Variants in IL19 observed in about 807,000 individuals in gnomAD.
IL19 encodes interleukin-19.
IL19 carries 15 observed loss-of-function variants against 19.5 expected under a neutral mutation model. The ratio of observed to expected loss-of-function variants is 0.77; its 90% CI spans 0.52 to 1.19. IL19 has a LOEUF of 1.19. IL19 is among the 50% of genes most tolerant of loss of function. The pLI is 0.00. For synonymous variants in IL19, 78 were observed against 78.3 expected, an observed-to-expected ratio of 1.00 and a Z score of 0.02; for missense variants, 199 against 213.1, an observed-to-expected ratio of 0.93 and a Z score of 0.41.
intron 1 of IL19, among the ~76,000 whole-genome samples, chr1:206,796,545 G>C (rs1027846649): frequency 2.0e-5 from 3 of 152,106 alleles, no homozygotes; most frequent in African/African-American, 7.2e-5. Context: ...CATATATGAT[G>C]GTGGTCTCAT....
chr1:206,798,284 C>T (rs763939842), intron 1 of IL19, among the ~76,000 whole-genome samples: 3 of 152,174 alleles, frequency 2.0e-5, no homozygotes, highest in East Asian at 1.9e-4. Context: ...GTCTTGACCT[C>T]GCTAGCCTGC....
At chr1:206,806,385 T>C (rs1675845397) in intron 2 of IL19, among the ~76,000 whole-genome samples, 1 of 152,312 alleles carries the variant, frequency 6.6e-6, no homozygotes, top group East Asian at 1.9e-4. Context: ...TATATTCAGG[T>C]AGAACTTTTA....
Position 206,784,810 on chromosome 1 carries a change from A to G in IL19, c.-149+13732A>G, listed in dbSNP as rs193006259. ...AGAAAGAACTTTGCGTTCTCAAGCA[A>G]TTATCTGCACCACGCAGTAAAATGT... On this transcript the variant is annotated intron_variant, in intron 1 of 6. Transcript: ENST00000659997. 1.1e-3 allele frequency among the ~76,000 whole-genome samples: 166 copies of G among 152,372 alleles called. 2 individuals carry two copies. Among genetic ancestry groups the G allele is most frequent in the Non-Finnish European group, 9.8e-4 (67 of 68,040 alleles).
At chr1:206,837,044 T>C (rs375394589) in intron 4 of IL19, 21 bp downstream of exon 4, 129 of 1,583,658 alleles carry the variant, frequency 8.1e-5, no homozygotes, top group Non-Finnish European at 1.1e-4. Context: ...GTGTCTGCTT[T>C]TTCCAGTATT....
rs538880718 is a variant in IL19, at chr1:206,837,282, G to A, written c.210+259G>A. 9.9e-5 allele frequency among the ~76,000 whole-genome samples: 15 copies of A among 152,220 alleles called. No individual in the cohort carries two copies. The South Asian group carries it at 1.9e-3, about 19-fold the overall frequency. ...GGTGCTCAGAGGGGACAGGATTTCT[G>A]TGGCTTGGGGGTAATTTTGGAAGGT... On this transcript the variant is annotated intron_variant, in intron 4 of 6. Transcript: ENST00000659997.
intron 4 of IL19, among the ~76,000 whole-genome samples, chr1:206,839,144 T>C (rs1284970025): frequency 6.6e-6 from 1 of 152,248 alleles, no homozygotes; most frequent in East Asian, 1.9e-4. Flanking sequence ...TTCACTGGGC[T>C]GTGCCTGGGA....
At chr1:206,840,036 C>G in intron 5 of IL19, 34 bp downstream of exon 5, 3 of 1,613,298 alleles carry the variant, frequency 1.9e-6, no homozygotes, top group Non-Finnish European at 2.5e-6. Context: ...AGCATCTGCT[C>G]CCTGTCTGCC....
At position 206,828,795 on chromosome 1, in the gene IL19, T is replaced by C. The variant is rs534307230; in HGVS notation, c.-2-7866T>C. Reference sequence around the variant, plus strand: ...TGTAATTTCTCTTTCTAAATAAACGTTTACTTTTGTCTCTAATTTTGTATT... The same window carrying C: ...TGTAATTTCTCTTTCTAAATAAACGCTTACTTTTGTCTCTAATTTTGTATT... On this transcript the variant is annotated intron_variant, in intron 2 of 6. Coordinates refer to ENST00000659997, the MANE Select transcript of IL19 (RefSeq NM_153758.5). 44 of 152,262 alleles carry C rather than the reference T, an allele frequency of 2.9e-4. 3 individuals carry two copies. The highest frequency in any genetic ancestry group is 1.0e-3 in the African/African-American group (42 of 41,550). 9.4% of individuals were successfully genotyped at this position (152,262 alleles called of 1,614,324 possible).
chr1:206,840,833 T>A (rs1418655352), intron 5 of IL19, among the ~76,000 whole-genome samples, 171 bp from the exon 6 acceptor site: 1 of 152,200 alleles, frequency 6.6e-6, no homozygotes, highest in African/African-American at 2.4e-5. Context: ...CAGATGCAGG[T>A]GACTCTACAG....
At chr1:206,775,012 T>G (rs535115650) in intron 1 of IL19, among the ~76,000 whole-genome samples, 1 of 151,902 alleles carries the variant, frequency 6.6e-6, no homozygotes, top group Non-Finnish European at 1.5e-5. Flanking sequence ...TCATCTATAA[T>G]CTGTTAAATA....
At chr1:206,840,636 C>T in intron 5 of IL19, 1 of 210,388 alleles carries the variant, frequency 4.8e-6, no homozygotes, top group Non-Finnish European at 9.7e-6. Flanking sequence ...TTCACCTAAC[C>T]AGTTGTTTAA....
At position 206,798,935 on chromosome 1, in the gene IL19, C is replaced by T. The variant is rs1419409316; in HGVS notation, c.-74C>T. On this transcript the variant is annotated 5_prime_UTR_variant, in exon 2 of 7. Transcript: ENST00000659997. ...GCGTTTCCGCACAGATCTGCGTGTT[C>T]CTTACCACTCACACATGTGCACACA... 6.8e-6 allele frequency: 11 copies of T among 1,613,820 alleles called. No homozygotes were observed. The highest frequency in any genetic ancestry group is 4.4e-5 in the South Asian group (4 of 91,054).
At chr1:206,798,395 A>C (rs78618975) in intron 1 of IL19, among the ~76,000 whole-genome samples, 9,606 of 152,260 alleles carry the variant, frequency 0.063, 364 homozygotes, top group Middle Eastern at 0.082. Context: ...CAATTTGTAT[A>C]GAAATGACAA....
chr1:206,788,255 CAT>C (rs1675311792), intron 1 of IL19, among the ~76,000 whole-genome samples: 1 of 152,220 alleles, frequency 6.6e-6, no homozygotes, highest in South Asian at 2.1e-4. Context: ...TAGACTAAGA[CAT>C]GTCCTGACCC....
intron 1 of IL19, among the ~76,000 whole-genome samples, chr1:206,786,427 T>C (rs572667346): frequency 6.6e-6 from 1 of 152,062 alleles, no homozygotes; most frequent in East Asian, 1.9e-4. Context: ...GGAGGGAGAG[T>C]TAGTGTCCCC....
intron 1 of IL19, among the ~76,000 whole-genome samples, chr1:206,782,899 T>A (rs1268704325): frequency 6.6e-6 from 1 of 152,226 alleles, no homozygotes; most frequent in African/African-American, 2.4e-5. Flanking sequence ...TTAAAAACCC[T>A]GCTTAGTCTT....
rs1049492794 is a variant in IL19, at chr1:206,836,771, A to G, written c.109A>G (p.Ile37Val). Residue 37 changes from isoleucine (I) to valine (V), a missense_variant, in exon 3 of 7, where the codon ATA (isoleucine) becomes GTA (valine). Coordinates refer to ENST00000659997, the MANE Select transcript of IL19 (RefSeq NM_153758.5). ...RCLISTDMHH[I>V]EESFQEIKRA... ...TCTGATTTCCACAGACATGCACCAT[A>G]TAGAAGAGAGTTTCCAAGAAATCAA... 3.7e-6 allele frequency: 6 copies of G among 1,614,014 alleles called. No individual in the cohort carries two copies. The African/African-American group carries it at 5.3e-5, about 14-fold the overall frequency.
chr1:206,803,587 C>T (rs1675772262), intron 2 of IL19, among the ~76,000 whole-genome samples: 1 of 152,148 alleles, frequency 6.6e-6, no homozygotes, highest in Non-Finnish European at 1.5e-5. Context: ...CTCAGGTGAT[C>T]CTACAGAGCA....
At chr1:206,832,719 T>C (rs572360429) in intron 2 of IL19, among the ~76,000 whole-genome samples, 44 of 152,298 alleles carry the variant, frequency 2.9e-4, no homozygotes, top group Middle Eastern at 6.8e-3. Flanking sequence ...TGTGGCATGC[T>C]ACCAAGAAGA....
Sources: gnomAD v4.1 joint callset for allele counts (sites outside exome capture counted in the v4.1 genomes callset) on GRCh38, gnomAD v4.1.1 for gene constraint, MANE v1.5 for transcripts, NCBI Gene and HGNC (gene_info 2026-07-23, HGNC 2026-07-21) for gene names.